The following HHAT variants were observed in gnomAD, a reference collection of about 807,000 sequenced individuals.
HHAT encodes the protein hedgehog acyltransferase.
HHAT carries 47 observed loss-of-function variants against 70.8 expected under a neutral mutation model. That is an observed-to-expected ratio of 0.66 (90% CI 0.53 to 0.85). The LOEUF is 0.85. Ranked by LOEUF, HHAT falls within the 40% of genes least tolerant of loss-of-function variation. HHAT has a pLI of 0.00. For missense variants in HHAT, 609 were observed against 604.8 expected (o/e 1.01, Z -0.07); for synonymous variants, 228 against 247.6 (o/e 0.92, Z 0.74).
rs534316951 is a variant in HHAT at position 210,576,497 on chromosome 1, C to G, written c.1044-11401C>G. Reference sequence around the variant, plus strand: ...CACATGGACACAGGAAGGGGAACATCACACACCGGGGACTGTTGTGGGGTC... The same window carrying G: ...CACATGGACACAGGAAGGGGAACATGACACACCGGGGACTGTTGTGGGGTC... On this transcript the variant is annotated intron_variant, in intron 9 of 11. Transcript: ENST00000261458. Among the ~76,000 whole-genome samples, 278 of 135,826 alleles carry G rather than the reference C, an allele frequency of 2.0e-3. 1 individual carries two copies. Among genetic ancestry groups the G allele is most frequent in the South Asian group, 6.7e-3 (28 of 4,208 alleles). The allele number at this position is 135,826 out of a possible 152,430, so 89.1% of individuals were successfully genotyped here. A position where few individuals can be genotyped will look rare whatever the true frequency, so the allele number is the denominator to read the frequency against.
chr1:210,489,531 G>A (rs17260438), intron 8 of HHAT, among the ~76,000 whole-genome samples: 18,173 of 152,166 alleles, frequency 0.12, 1,422 homozygotes, highest in South Asian at 0.24. Flanking sequence ...TTGTCCCCAC[G>A]TTGTTATTAT....
At chr1:210,547,385 G>A (rs1041685391) in intron 9 of HHAT, among the ~76,000 whole-genome samples, 2 of 152,152 alleles carry the variant, frequency 1.3e-5, no homozygotes, top group African/African-American at 2.4e-5. Flanking sequence ...GATAGAACTC[G>A]AGCAGAAATT....
At chr1:210,465,598 C>G (rs1364505234) in intron 8 of HHAT, among the ~76,000 whole-genome samples, 7 of 152,196 alleles carry the variant, frequency 4.6e-5, no homozygotes, top group African/African-American at 1.7e-4. Flanking sequence ...CTCAGCCCCC[C>G]AGTAGTTGGG....
At chr1:210,603,461 T>C (rs995998888) in intron 10 of HHAT, among the ~76,000 whole-genome samples, 3 of 152,146 alleles carry the variant, frequency 2.0e-5, no homozygotes, top group Non-Finnish European at 4.4e-5. Context: ...ATGTATATGT[T>C]GAAGATTTGG....
intron 1 of HHAT, among the ~76,000 whole-genome samples, chr1:210,330,435 C>T (rs763986014): frequency 5.9e-5 from 9 of 152,304 alleles, no homozygotes; most frequent in Non-Finnish European, 1.2e-4. Flanking sequence ...GAGCCAAAGC[C>T]ACAAACTAGT....
chr1:210,461,587 C>T (rs1472179596), intron 7 of HHAT, among the ~76,000 whole-genome samples: 48 of 151,610 alleles, frequency 3.2e-4, no homozygotes, highest in Non-Finnish European at 1.5e-4. Flanking sequence ...CAGGCGTGAG[C>T]CACCGTGCCT....
At chr1:210,631,317 A>G (rs1162128264) in intron 11 of HHAT, among the ~76,000 whole-genome samples, 1 of 152,212 alleles carries the variant, frequency 6.6e-6, no homozygotes, top group Non-Finnish European at 1.5e-5. Context: ...GTGCCTGGTT[A>G]ATTGTTCTGA....
At chr1:210,364,423 A>AT (rs3835415) in intron 3 of HHAT, among the ~76,000 whole-genome samples, 158 of 151,720 alleles carry the variant, frequency 1.0e-3, no homozygotes, top group African/African-American at 3.5e-3. Context: ...AAAAAAGATG[A>AT]TTTTTTTTTC....
chr1:210,547,950 C>T (rs2095497667), intron 9 of HHAT, among the ~76,000 whole-genome samples: 1 of 152,156 alleles, frequency 6.6e-6, no homozygotes. Flanking sequence ...CAAAACAGAA[C>T]AATTTTCATG....
intron 9 of HHAT, among the ~76,000 whole-genome samples, chr1:210,569,260 G>A (rs1655549305): frequency 6.6e-6 from 1 of 151,356 alleles, no homozygotes; most frequent in South Asian, 2.1e-4. Context: ...TGTAACCCCA[G>A]CGACTCGGGA....
intron 8 of HHAT, among the ~76,000 whole-genome samples, chr1:210,504,902 C>CTTTTT (rs71571952): frequency 8.0e-6 from 1 of 124,506 alleles, no homozygotes; most frequent in African/African-American, 3.0e-5. Flanking sequence ...GCTTTTTATT[C>CTTTTT]TTTTTTTTTT....
chr1:210,432,736 A>G (rs1041150128), intron 7 of HHAT, among the ~76,000 whole-genome samples: 1 of 151,786 alleles, frequency 6.6e-6, no homozygotes, highest in Non-Finnish European at 1.5e-5. Flanking sequence ...CCAGGCTGCC[A>G]TGATGTGGAG....
intron 9 of HHAT, among the ~76,000 whole-genome samples, chr1:210,547,058 G>A (rs1440219408): frequency 2.0e-5 from 3 of 152,142 alleles, no homozygotes; most frequent in Non-Finnish European, 4.4e-5. Flanking sequence ...GGCCGGGCAT[G>A]GTGGCTCACG....
chr1:210,667,188 G>A (rs1376986079), intron 11 of HHAT, among the ~76,000 whole-genome samples: 1 of 152,030 alleles, frequency 6.6e-6, no homozygotes, highest in Non-Finnish European at 1.5e-5. Context: ...TTCAAGACCA[G>A]CCTGACCAAC....
rs566886968 is a variant in HHAT, at chr1:210,580,217, C to T, written c.1044-7681C>T. Among the ~76,000 whole-genome samples the T allele has an allele frequency of 5.9e-5, 9 of 152,304 alleles. No individual in the cohort carries two copies. The South Asian group carries it at 1.7e-3, about 28-fold the overall frequency. ...TTCCCTGCTTTGAAAATAGACTCCT[C>T]TTAGCCTTATGGAGGATGACAAAGC... On this transcript the variant is annotated intron_variant, in intron 9 of 11. Coordinates refer to ENST00000261458, the MANE Select transcript of HHAT (RefSeq NM_018194.6).
intron 1 of HHAT, among the ~76,000 whole-genome samples, chr1:210,347,168 TC>T (rs2147963838): frequency 6.6e-6 from 1 of 152,236 alleles, no homozygotes; most frequent in South Asian, 2.1e-4. Context: ...CTTCCCCACT[TC>T]CCCCGCCCCA....
intron 10 of HHAT, among the ~76,000 whole-genome samples, chr1:210,614,776 G>A (rs2148852235): frequency 6.6e-6 from 1 of 152,338 alleles, no homozygotes; most frequent in East Asian, 1.9e-4. Flanking sequence ...ATTCCATGGT[G>A]TATATGTGCC....
chr1:210,351,781 A>C (rs1306123186), intron 2 of HHAT, among the ~76,000 whole-genome samples: 2 of 152,158 alleles, frequency 1.3e-5, no homozygotes, highest in Non-Finnish European at 2.9e-5. Context: ...TCTTACATTT[A>C]TTACAGGGCA....
chr1:210,428,557 T>C (rs1251925089), intron 7 of HHAT, among the ~76,000 whole-genome samples: 1 of 149,588 alleles, frequency 6.7e-6, no homozygotes, highest in Admixed American at 6.6e-5. Context: ...TCCTTTTTTA[T>C]GACACCAGCT....
Sources: gnomAD v4.1 joint callset for allele counts (sites outside exome capture counted in the v4.1 genomes callset) on GRCh38, gnomAD v4.1.1 for gene constraint, MANE v1.5 for transcripts, NCBI Gene and HGNC (gene_info 2026-07-23, HGNC 2026-07-21) for gene names.